GRB14: variants seen among roughly 807,000 people sequenced by gnomAD.
GRB14 encodes growth factor receptor-bound protein 14.
In GRB14, 38 loss-of-function variants were observed where a neutral mutation model predicts 69.1. That is an observed-to-expected ratio of 0.55 (90% CI 0.42 to 0.72). The LOEUF (loss-of-function observed/expected upper bound fraction) is 0.72. Ranked by LOEUF, GRB14 falls within the 30% of genes least tolerant of loss-of-function variation. The probability of loss-of-function intolerance (pLI) is 0.00; values close to 1 mark genes in which losing one functional copy is unlikely to be tolerated. For synonymous variants in GRB14, 247 were observed against 241.3 expected, an observed-to-expected ratio of 1.02 and a Z score of -0.22; for missense variants, 666 against 666.1, an observed-to-expected ratio of 1.00 and a Z score of 0.00.
At chr2:164,562,769 A>AG (rs1688865120) in intron 2 of GRB14, among the ~76,000 whole-genome samples, 1 of 152,184 alleles carries the variant, frequency 6.6e-6, no homozygotes, top group Non-Finnish European at 1.5e-5. Context: ...TGATTCTCAG[A>AG]GGGTTTTGAA....
intron 2 of GRB14, among the ~76,000 whole-genome samples, chr2:164,575,757 C>T (rs1426607566): frequency 1.3e-5 from 2 of 151,952 alleles, no homozygotes; most frequent in East Asian, 1.9e-4. Flanking sequence ...AAGAACTTTC[C>T]TACAGTTACA....
intron 3 of GRB14, among the ~76,000 whole-genome samples, chr2:164,545,317 GA>G (rs1688347309): frequency 6.6e-6 from 1 of 151,842 alleles, no homozygotes; most frequent in Non-Finnish European, 1.5e-5. Context: ...ATGTCACGTG[GA>G]AAAAAAATTT....
intron 2 of GRB14, among the ~76,000 whole-genome samples, chr2:164,615,798 G>T (rs1690276004): frequency 6.6e-6 from 1 of 152,048 alleles, no homozygotes; most frequent in East Asian, 1.9e-4. Context: ...TACTACACAG[G>T]CTATGTCCAA....
At chr2:164,561,375 T>C (rs1185083984) in intron 2 of GRB14, among the ~76,000 whole-genome samples, 3 of 152,166 alleles carry the variant, frequency 2.0e-5, no homozygotes, top group Non-Finnish European at 4.4e-5. Flanking sequence ...AATAAGGCAT[T>C]TCTGAATAAG....
chr2:164,530,794 ATAGTAAGGGC>A (rs1471033175), intron 3 of GRB14, among the ~76,000 whole-genome samples: 1 of 152,212 alleles, frequency 6.6e-6, no homozygotes, highest in Non-Finnish European at 1.5e-5. Flanking sequence ...CCTGCAGTCT[ATAGTAAGGGC>A]TAGGCTTTTC....
chr2:164,619,990 A>G (rs1690408327), intron 1 of GRB14, 171 bp from the exon 2 acceptor site: 2 of 520,566 alleles, frequency 3.8e-6, no homozygotes, highest in African/African-American at 4.0e-5. Flanking sequence ...GTCAAAATAC[A>G]GTATGTTAAT....
At position 164,583,281 on chromosome 2, in the gene GRB14, G is replaced by A. The variant is rs574166512; in HGVS notation, c.325-35465C>T. 5.9e-5 allele frequency among the ~76,000 whole-genome samples: 9 copies of A among 151,424 alleles called. No individual in the cohort carries two copies. In the South Asian group the frequency reaches 1.0e-3, roughly 18 times the overall value. ...ATAGCACTAAAATAAACATTAAAGAGAAATATTCAGGTAGAAGAAAATTAA... is the reference window on the plus strand; with the variant it reads ...ATAGCACTAAAATAAACATTAAAGAAAAATATTCAGGTAGAAGAAAATTAA... On this transcript the variant is annotated intron_variant, in intron 2 of 13. Coordinates refer to ENST00000263915, the MANE Select transcript of GRB14 (RefSeq NM_004490.3).
In GRB14 at chr2:164,502,239, A is replaced by T. The variant is rs374092645; in HGVS notation, c.1104+16T>A. On this transcript the variant is annotated intron_variant, in intron 9 of 13. Transcript: ENST00000263915. Reference sequence around the variant, plus strand: ...GAATGTAAAATAAAACACAGGCTCAAAAATTTGGTCCTTACCATAGGTGAT... The same window carrying T: ...GAATGTAAAATAAAACACAGGCTCATAAATTTGGTCCTTACCATAGGTGAT... 1 of 1,422,238 alleles carries T rather than the reference A, an allele frequency of 7.0e-7. No homozygotes were observed. 88.1% of individuals were successfully genotyped at this position (1,422,238 alleles called of 1,614,324 possible). A position where few individuals can be genotyped will look rare whatever the true frequency, so the allele number is the denominator to read the frequency against.
intron 2 of GRB14, among the ~76,000 whole-genome samples, chr2:164,618,266 A>G (rs192467692): frequency 0.013 from 1,833 of 146,376 alleles, 39 homozygotes; most frequent in African/African-American, 0.042. Flanking sequence ...GAGCCACCGC[A>G]CCCGGCCTCT....
rs1688414715 is a variant in GRB14, at chr2:164,547,680, T to C, written c.461A>G (p.His154Arg). The change falls in exon 3 of 14, where the codon CAC becomes CGC. Residue 154 changes from histidine (H) to arginine (R), a missense_variant. Transcript: ENST00000263915. ...CTTACCTACACCTATGTGAGGCAGG[T>C]GCTCAAAAAGGGTCCAGCTGTGGTC... is the stretch of plus-strand genomic sequence containing the variant. ...IDDHSWTLFE[H>R]LPHIGVERTI... The C allele has an allele frequency of 6.2e-7, 1 of 1,613,492 alleles. No individual in the cohort carries two copies. The highest frequency in any genetic ancestry group is 1.3e-5 in the African/African-American group (1 of 74,914).
At chr2:164,510,379 T>G (rs1233864209) in intron 6 of GRB14, among the ~76,000 whole-genome samples, 1 of 152,132 alleles carries the variant, frequency 6.6e-6, no homozygotes, top group Non-Finnish European at 1.5e-5. Context: ...ATGTGTACAT[T>G]TGTACATTTC....
At position 164,502,283 on chromosome 2, in the gene GRB14, C is replaced by T. The variant is rs932098018; in HGVS notation, c.1076G>A (p.Gly359Asp). 1 of 1,605,848 alleles carries T rather than the reference C, an allele frequency of 6.2e-7. No individual in the cohort carries two copies. The highest frequency in any genetic ancestry group is 1.3e-5 in the African/African-American group (1 of 74,662). The change falls in exon 9 of 14, where the codon GGC (glycine) becomes GAC (aspartate). Residue 359 changes from glycine to aspartate, a missense_variant. Gly to Asp is a moderately conservative substitution (Grantham distance 94). Coordinates refer to ENST00000263915, the MANE Select transcript of GRB14 (RefSeq NM_004490.3). ...NYMHPYQGRSGCSSQSISPMR... is the reference protein window; with the variant it reads ...NYMHPYQGRSDCSSQSISPMR... ...AGGTGATATGCTCTGTGAACTGCAG[C>T]CACTTCTACCTTGATATGGATGCAT... is the stretch of plus-strand genomic sequence containing the variant.
chr2:164,578,522 G>GCA (rs61283767), intron 2 of GRB14, among the ~76,000 whole-genome samples: 11,314 of 145,528 alleles, frequency 0.078, 993 homozygotes, highest in African/African-American at 0.23. Flanking sequence ...CAATTCGCGC[G>GCA]CACACACACA....
At chr2:164,575,914 C>A (rs778585773) in intron 2 of GRB14, among the ~76,000 whole-genome samples, 10 of 152,018 alleles carry the variant, frequency 6.6e-5, no homozygotes, top group Non-Finnish European at 1.3e-4. Context: ...TTTATGTTAT[C>A]TCAGAGATGT....
chr2:164,527,176 AATATATATATATAT>A (rs57531034), intron 3 of GRB14, 41 bp from the exon 4 acceptor site: 15,834 of 249,224 alleles, frequency 0.064, 416 homozygotes, highest in African/African-American at 0.12. Context: ...CAGATAGACA[AATATATATATATAT>A]ATATATATAT....
At chr2:164,520,385 C>T (rs765327484) in intron 6 of GRB14, among the ~76,000 whole-genome samples, 8 of 152,006 alleles carry the variant, frequency 5.3e-5, no homozygotes, top group Non-Finnish European at 7.4e-5. Flanking sequence ...AAATCTAAGA[C>T]CTGAAGCCAC....
intron 2 of GRB14, among the ~76,000 whole-genome samples, chr2:164,557,658 G>C (rs1352482044): frequency 1.3e-5 from 2 of 152,118 alleles, no homozygotes; most frequent in African/African-American, 4.8e-5. Flanking sequence ...GTTCCATCAA[G>C]TCACCCCTGA....
chr2:164,505,879 T>C (rs1303683783), intron 8 of GRB14, among the ~76,000 whole-genome samples: 1 of 152,180 alleles, frequency 6.6e-6, no homozygotes, highest in African/African-American at 2.4e-5. Flanking sequence ...ATAAAAATAG[T>C]GATGTCTCCT....
rs188132184 is a variant in GRB14 at position 164,518,734 on chromosome 2, A to G, written c.816+3246T>C. On this transcript the variant is annotated intron_variant, in intron 6 of 13. Coordinates refer to ENST00000263915, the MANE Select transcript of GRB14 (RefSeq NM_004490.3). The stretch of plus-strand genomic sequence containing the variant: ...ATACAAAAGATCATTCAAGGCTACT[A>G]TGAACACCTTTATGCATATAAACTA... Among the ~76,000 whole-genome samples the G allele has an allele frequency of 2.4e-3, 362 of 152,260 alleles. 2 individuals carry two copies. The highest frequency in any genetic ancestry group is 8.4e-3 in the African/African-American group (349 of 41,586).
Sources: allele counts gnomAD v4.1 joint callset (sites outside exome capture counted in the v4.1 genomes callset), GRCh38; gene constraint gnomAD v4.1.1; transcripts MANE v1.5; gene names NCBI Gene and HGNC (gene_info 2026-07-23, HGNC 2026-07-21).